The following KCNT2 variants were observed in gnomAD, a reference collection of about 807,000 sequenced individuals.
KCNT2 encodes the protein potassium channel subfamily T member 2.
KCNT2 carries 67 observed loss-of-function variants against 153.8 expected under a neutral mutation model. The observed-to-expected ratio is 0.44, with a 90% CI of 0.36 to 0.53. The LOEUF (loss-of-function observed/expected upper bound fraction) is 0.53. Ranked by LOEUF, KCNT2 falls within the 20% of genes least tolerant of loss-of-function variation. The pLI is 0.00. For missense variants in KCNT2, 975 were observed against 1,354.8 expected, an observed-to-expected ratio of 0.72 and a Z score of 4.40; for synonymous variants, 500 against 458.8, an observed-to-expected ratio of 1.09 and a Z score of -1.15.
intron 19 of KCNT2, among the ~76,000 whole-genome samples, chr1:196,323,471 C>T (rs1352943362): frequency 6.6e-6 from 1 of 151,726 alleles, no homozygotes; most frequent in Non-Finnish European, 1.5e-5. Context: ...GCACAACAGA[C>T]CAAACAGAAC....
intron 3 of KCNT2, among the ~76,000 whole-genome samples, chr1:196,483,215 C>G (rs946918262): frequency 2.0e-5 from 3 of 152,152 alleles, no homozygotes; most frequent in Non-Finnish European, 4.4e-5. Context: ...CTTTTAGATA[C>G]TTTCTTCTCC....
intron 1 of KCNT2, among the ~76,000 whole-genome samples, chr1:196,606,828 A>T (rs1665376631): frequency 6.6e-6 from 1 of 152,188 alleles, no homozygotes; most frequent in African/African-American, 2.4e-5. Context: ...TTACTAAGCC[A>T]TTTAACCAGG....
At chr1:196,322,979 T>C (rs1232649292) in intron 19 of KCNT2, among the ~76,000 whole-genome samples, 1 of 151,970 alleles carries the variant, frequency 6.6e-6, no homozygotes, top group Non-Finnish European at 1.5e-5. Context: ...ATCTTCCTTT[T>C]ATGAATCAGA....
chr1:196,527,534 T>G (rs1654397598), intron 1 of KCNT2, among the ~76,000 whole-genome samples: 1 of 152,204 alleles, frequency 6.6e-6, no homozygotes, highest in African/African-American at 2.4e-5. Context: ...GAGGCCATTA[T>G]CTTTACAGTT....
intron 1 of KCNT2, among the ~76,000 whole-genome samples, chr1:196,570,067 T>TAAAAAAAAAAAAAAAAAAAAAAAAAAA (rs199836975): frequency 1.5e-5 from 2 of 133,710 alleles, no homozygotes; most frequent in African/African-American, 7.3e-5. Context: ...TGAGCTAGAG[T>TAAAAAAAAAAAAAAAAAAAAAAAAAAA]AAAAAAAAAA....
intron 12 of KCNT2, among the ~76,000 whole-genome samples, chr1:196,415,278 G>T (rs1468357485): frequency 6.6e-6 from 1 of 151,856 alleles, no homozygotes; most frequent in Non-Finnish European, 1.5e-5. Context: ...TACATCAAAT[G>T]CTGGAGGAGG....
chr1:196,519,689 C>T (rs1653084457), intron 1 of KCNT2, among the ~76,000 whole-genome samples: 1 of 151,962 alleles, frequency 6.6e-6, no homozygotes, highest in Non-Finnish European at 1.5e-5. Flanking sequence ...ACTAGAAAAC[C>T]TAGATGAGAT....
intron 20 of KCNT2, 47 bp downstream of exon 20, chr1:196,319,437 C>A: frequency 7.4e-7 from 1 of 1,347,564 alleles, no homozygotes; most frequent in Non-Finnish European, 1.1e-6. Flanking sequence ...ACATGACAAA[C>A]CACAGGACAC....
chr1:196,238,764 G>A (rs1196075200), intron 26 of KCNT2, among the ~76,000 whole-genome samples: 1 of 151,700 alleles, frequency 6.6e-6, no homozygotes, highest in Non-Finnish European at 1.5e-5. Flanking sequence ...AAACCAACAC[G>A]GCACATGCAT....
chr1:196,581,292 A>G (rs1038800326), intron 1 of KCNT2, among the ~76,000 whole-genome samples: 1 of 152,072 alleles, frequency 6.6e-6, no homozygotes, highest in African/African-American at 2.4e-5. Context: ...AGTAGGAAAT[A>G]TTTATTCTTA....
intron 22 of KCNT2, among the ~76,000 whole-genome samples, chr1:196,295,989 G>T (rs1396358483): frequency 2.6e-5 from 4 of 151,822 alleles, no homozygotes. Flanking sequence ...AGACTACTTT[G>T]TTGTTTTGAT....
intron 12 of KCNT2, among the ~76,000 whole-genome samples, chr1:196,401,022 A>G (rs1180915278): frequency 6.6e-6 from 1 of 151,832 alleles, no homozygotes; most frequent in Non-Finnish European, 1.5e-5. Context: ...GAGCCACCAG[A>G]CACAGGAAAA....
chr1:196,385,772 A>ATAT (rs1553308935), intron 13 of KCNT2, among the ~76,000 whole-genome samples: 42 of 148,528 alleles, frequency 2.8e-4, no homozygotes, highest in African/African-American at 9.6e-4. Flanking sequence ...GCATTAAAAA[A>ATAT]ATATATATAT....
intron 13 of KCNT2, among the ~76,000 whole-genome samples, chr1:196,386,060 A>T (rs907996313): frequency 1.3e-5 from 2 of 152,118 alleles, no homozygotes; most frequent in Non-Finnish European, 2.9e-5. Context: ...GCCAGCTGCC[A>T]CATCATGAGG....
At chr1:196,415,614 T>C (rs796675615) in intron 12 of KCNT2, among the ~76,000 whole-genome samples, 9 of 152,002 alleles carry the variant, frequency 5.9e-5, no homozygotes, top group African/African-American at 2.2e-4. Context: ...GCTTTCTATT[T>C]TATAACCAAG....
At chr1:196,286,120 C>A (rs1659634119) in intron 22 of KCNT2, among the ~76,000 whole-genome samples, 1 of 152,064 alleles carries the variant, frequency 6.6e-6, no homozygotes, top group African/African-American at 2.4e-5. Context: ...TAAAGAAGAC[C>A]TGCTTTTAAA....
chr1:196,527,302 A>G (rs1396971373), intron 1 of KCNT2, among the ~76,000 whole-genome samples: 1 of 152,190 alleles, frequency 6.6e-6, no homozygotes, highest in Non-Finnish European at 1.5e-5. Flanking sequence ...TATGAGAGCT[A>G]TTAATAAGCT....
At chr1:196,324,442 A>G (rs191354771) in intron 19 of KCNT2, among the ~76,000 whole-genome samples, 2 of 152,130 alleles carry the variant, frequency 1.3e-5, no homozygotes, top group African/African-American at 4.8e-5. Context: ...TCCTCTTAAA[A>G]TAAGAGACAG....
At chr1:196,387,065 A>G (rs1036372336) in intron 13 of KCNT2, among the ~76,000 whole-genome samples, 7 of 152,052 alleles carry the variant, frequency 4.6e-5, no homozygotes, top group African/African-American at 9.7e-5. Flanking sequence ...AAATTTTATC[A>G]TGGTATTAAT....
Sources: allele counts gnomAD v4.1 joint callset (sites outside exome capture counted in the v4.1 genomes callset), GRCh38; gene constraint gnomAD v4.1.1; transcripts MANE v1.5; gene names NCBI Gene and HGNC (gene_info 2026-07-23, HGNC 2026-07-21).